Variants in REXO4 observed in about 807,000 individuals in gnomAD.
REXO4 encodes RNA exonuclease 4.
Under a neutral mutation model 39.9 loss-of-function variants are expected in REXO4, and 29 were observed. The ratio of observed to expected loss-of-function variants is 0.73; its 90% CI spans 0.54 to 0.99. REXO4 has a LOEUF of 0.99. Ranked by LOEUF, REXO4 falls within the 50% of genes least tolerant of loss-of-function variation. The pLI, the probability that REXO4 is intolerant of heterozygous loss-of-function variation, is 0.00. For synonymous variants in REXO4, 184 were observed against 206.2 expected (o/e 0.89, Z 0.92); for missense variants, 524 against 546.5 (o/e 0.96, Z 0.41).
At chr9:133,418,161 G>C, upstream of REXO4, 2 of 404,816 alleles carry the variant, frequency 4.9e-6, no homozygotes, top group East Asian at 9.6e-5. Context: ...CGGGGTCATC[G>C]ACCTCGAGTT....
intron 5 of REXO4, 112 bp from the exon 6 acceptor site, chr9:133,408,954 G>A (rs1554779590): frequency 6.0e-6 from 3 of 500,686 alleles, no homozygotes; most frequent in African/African-American, 2.1e-5. Flanking sequence ...GTGTGTGTGT[G>A]TGTGTGTGTG....
chr9:133,407,952 G>T, intron 6 of REXO4, 71 bp from the exon 7 acceptor site: 1 of 1,254,754 alleles, frequency 8.0e-7, no homozygotes, highest in South Asian at 1.3e-5. Flanking sequence ...CACCAAGCAG[G>T]GAGCGGTTGG....
At position 133,411,070 on chromosome 9, in the gene REXO4, TCTC is replaced by T; in HGVS notation, c.911_913del (p.Gly304del). ...TTCCTTCTGAACAACTTCAAGCTCT[TCTC>T]CTGGAAAATCAACACAAAGAAGCGG... On this transcript the variant is annotated inframe_deletion and splice_region_variant, in exon 5 of 8. Coordinates refer to ENST00000371942, the MANE Select transcript of REXO4 (RefSeq NM_020385.4). 2 of 1,613,964 alleles carry T rather than the reference TCTC, an allele frequency of 1.2e-6. No individual in the cohort carries two copies. Among genetic ancestry groups the T allele is most frequent in the African/African-American group, 1.3e-5 (1 of 74,994 alleles).
In REXO4 at chr9:133,414,761, G is replaced by C. The variant is rs782702752; in HGVS notation, c.476C>G (p.Thr159Ser). 2.5e-6 allele frequency: 4 copies of C among 1,614,160 alleles called. No individual in the cohort carries two copies. Among genetic ancestry groups the C allele is most frequent in the Non-Finnish European group, 3.4e-6 (4 of 1,180,038 alleles). The change falls in exon 2 of 8, where the codon ACC becomes AGC. Residue 159 changes from threonine (T) to serine (S), a missense_variant. By Grantham distance (58) the Thr-to-Ser change is moderately conservative. Coordinates refer to ENST00000371942, the MANE Select transcript of REXO4 (RefSeq NM_020385.4). Reference protein sequence around the residue: ...ASGTEHNKKGTKERTNGDIVP... With the variant: ...ASGTEHNKKGSKERTNGDIVP... ...AATATCACCATTTGTCCTTTCCTTG[G>C]TTCCTTTCTTATTGTGCTCTGTTCC...
rs1467846291 is a variant in REXO4, at chr9:133,406,609, C to T, written c.*344G>A. ...TGAGCACCTCACCCCAGGGTGTCAC[C>T]GAAGATGGGCAGTGACAGCACCGTA... On this transcript the variant is annotated 3_prime_UTR_variant, in exon 8 of 8. Coordinates refer to ENST00000371942, the MANE Select transcript of REXO4 (RefSeq NM_020385.4). 5.2e-5 allele frequency: 16 copies of T among 309,894 alleles called. No individual in the cohort carries two copies. The East Asian group carries it at 8.6e-4, about 17-fold the overall frequency. The allele number at this position is 309,894 out of a possible 1,614,324, so 19.2% of individuals were successfully genotyped here.
At position 133,412,488 on chromosome 9, in the gene REXO4, T is replaced by A. The variant is rs781905704; in HGVS notation, c.721A>T (p.Thr241Ser). 1.2e-6 allele frequency: 2 copies of A among 1,614,004 alleles called. No homozygotes were observed. The highest frequency in any genetic ancestry group is 1.1e-5 in the South Asian group (1 of 91,076). ...LVKEQAFGGL[T>S]RALALDCEMV... ...TCACAGTCCAAGGCTAAGGCTCTTG[T>A]CAGGCTGAAGGGTAACCAAAGGCTG... The change falls in exon 4 of 8, where the codon ACA becomes TCA. Residue 241 changes from threonine (T) to serine (S), a missense_variant. Transcript: ENST00000371942.
In REXO4 at chr9:133,417,952, C is replaced by A. The variant is rs371857918; in HGVS notation, c.-108G>T. 2.9e-6 allele frequency: 3 copies of A among 1,025,374 alleles called. No individual in the cohort carries two copies. Among genetic ancestry groups the A allele is most frequent in the Non-Finnish European group, 4.2e-6 (3 of 717,590 alleles). 63.5% of individuals were successfully genotyped at this position (1,025,374 alleles called of 1,614,324 possible). A position where few individuals can be genotyped will look rare whatever the true frequency, so the allele number is the denominator to read the frequency against. ...TGCCCAGGCCAGGCCGAAACACACC[C>A]ACCGCAGGGACCCCGTCCAGGAAAA... On this transcript the variant is annotated 5_prime_UTR_variant, in exon 1 of 8. Transcript: ENST00000371942.
In REXO4 at chr9:133,412,251, T is replaced by C. The variant is rs782278806; in HGVS notation, c.910+48A>G. ...AAGGGAACAAAAGGGAGAAAACGAA[T>C]CCAGTTACTACTTTCCCTTCTAAGT... On this transcript the variant is annotated intron_variant, in intron 4 of 7. Transcript: ENST00000371942. 3.8e-6 allele frequency: 6 copies of C among 1,577,898 alleles called. No homozygotes were observed. In the South Asian group the frequency reaches 6.7e-5, roughly 18 times the overall value.
intron 7 of REXO4, among the ~76,000 whole-genome samples, chr9:133,407,389 G>A (rs1303736092): frequency 6.6e-6 from 1 of 152,130 alleles, no homozygotes; most frequent in Non-Finnish European, 1.5e-5. Flanking sequence ...TGGGTGCTGG[G>A]CACAGGGGCA....
chr9:133,412,661 C>A, intron 3 of REXO4, 117 bp downstream of exon 3: 2 of 1,466,904 alleles, frequency 1.4e-6, no homozygotes, highest in Non-Finnish European at 1.9e-6. Context: ...TAGCAGGACC[C>A]TGGGAGGTGC....
chr9:133,413,796 A>G (rs1839378750), intron 2 of REXO4, among the ~76,000 whole-genome samples: 1 of 152,238 alleles, frequency 6.6e-6, no homozygotes, highest in Non-Finnish European at 1.5e-5. Context: ...ACACTTAATC[A>G]ACAGCTGCAG....
At chr9:133,412,724 C>G (rs907081849) in intron 3 of REXO4, 54 bp downstream of exon 3, 1 of 1,594,672 alleles carries the variant, frequency 6.3e-7, no homozygotes, top group Non-Finnish European at 8.5e-7. Flanking sequence ...GAAGAAGCCC[C>G]GCCCTCCACG....
chr9:133,408,964 G>GTGTA, intron 5 of REXO4, 122 bp from the exon 6 acceptor site: 1 of 527,278 alleles, frequency 1.9e-6, no homozygotes, highest in Non-Finnish European at 3.4e-6. Flanking sequence ...GTGTGTGTGT[G>GTGTA]TGTGTGTGTG....
intron 5 of REXO4, among the ~76,000 whole-genome samples, chr9:133,410,515 C>T (rs1839156781): frequency 6.6e-6 from 1 of 152,222 alleles, no homozygotes; most frequent in African/African-American, 2.4e-5. Flanking sequence ...TCTGAAGAAC[C>T]AGGGGCTGCC....
chr9:133,415,488 AAAG>A (rs1839533379), intron 1 of REXO4, among the ~76,000 whole-genome samples: 1 of 151,998 alleles, frequency 6.6e-6, no homozygotes, highest in Admixed American at 6.6e-5. Flanking sequence ...TCATAAATGA[AAAG>A]AAAAGCTTCT....
intron 1 of REXO4, chr9:133,415,584 C>T (rs1225144573): frequency 6.5e-6 from 1 of 152,820 alleles, no homozygotes. Context: ...GTCTTAGAGC[C>T]CAGCTTCCTC....
At chr9:133,416,315 A>AC (rs1839597975) in intron 1 of REXO4, among the ~76,000 whole-genome samples, 1 of 152,112 alleles carries the variant, frequency 6.6e-6, no homozygotes, top group Admixed American at 6.5e-5. Context: ...TACCCCCATG[A>AC]CCCAATACCT....
Position 133,407,383 on chromosome 9 carries a change from T to G in REXO4, c.1150-311A>C, listed in dbSNP as rs4962140. Among the ~76,000 whole-genome samples, 3 of 151,786 alleles carry G rather than the reference T, an allele frequency of 2.0e-5. No homozygotes were observed. In the East Asian group the frequency reaches 5.8e-4, roughly 29 times the overall value. The stretch of plus-strand genomic sequence containing the variant: ...GAGTGCAGGGTGATGGCAGGTTGGG[T>G]GCTGGGCACAGGGGCACAAGGACCA... On this transcript the variant is annotated intron_variant, in intron 7 of 7. Coordinates refer to ENST00000371942, the MANE Select transcript of REXO4 (RefSeq NM_020385.4).
At chr9:133,412,980 G>C in intron 2 of REXO4, 59 bp from the exon 3 acceptor site, 1 of 1,574,698 alleles carries the variant, frequency 6.4e-7, no homozygotes, top group South Asian at 1.1e-5. Context: ...TGGTGGGGTG[G>C]GGCTGTGGGG....
Sources: allele counts gnomAD v4.1 joint callset (sites outside exome capture counted in the v4.1 genomes callset), GRCh38; gene constraint gnomAD v4.1.1; transcripts MANE v1.5; gene names NCBI Gene and HGNC (gene_info 2026-07-23, HGNC 2026-07-21).